The following STX12 variants were observed in gnomAD, a reference collection of about 807,000 sequenced individuals.
The protein encoded by STX12 is syntaxin-12.
In STX12, 17 loss-of-function variants were observed where a neutral mutation model predicts 42.2. The ratio of observed to expected loss-of-function variants is 0.40; its 90% CI spans 0.28 to 0.60. The LOEUF (loss-of-function observed/expected upper bound fraction) is 0.60, where lower values mean the gene tolerates loss of function less well. STX12 is among the 20% of genes least tolerant of loss of function. The probability of loss-of-function intolerance (pLI) is 0.39; values close to 1 mark genes in which losing one functional copy is unlikely to be tolerated. For synonymous variants in STX12, 108 were observed against 116.7 expected (o/e 0.93, Z 0.48); for missense variants, 297 against 330.9 (o/e 0.90, Z 0.79).
In STX12 at chr1:27,808,993, G is replaced by A. The variant is rs192409295; in HGVS notation, c.427-1253G>A. On this transcript the variant is annotated intron_variant, in intron 4 of 8. Transcript: ENST00000373943. Reference sequence around the variant, plus strand: ...TATACAGAATAATAGTTCCCAATAAGTTCTGTTAAATCAAAATCTGCCACG... The same window carrying A: ...TATACAGAATAATAGTTCCCAATAAATTCTGTTAAATCAAAATCTGCCACG... Among the ~76,000 whole-genome samples, 548 of 152,248 alleles carry A rather than the reference G, an allele frequency of 3.6e-3. 14 individuals carry two copies. Among genetic ancestry groups the A allele is most frequent in the Non-Finnish European group, 1.0e-3 (71 of 68,010 alleles).
intron 2 of STX12, among the ~76,000 whole-genome samples, chr1:27,790,169 A>T (rs1201978057): frequency 6.6e-6 from 1 of 152,236 alleles, no homozygotes; most frequent in African/African-American, 2.4e-5. Flanking sequence ...TTTACATTGT[A>T]TTGTGTCTGG....
chr1:27,822,093 A>G lies in STX12; in HGVS notation c.733-138A>G, dbSNP rs1486792699. On this transcript the variant is annotated intron_variant, in intron 8 of 8. Coordinates refer to ENST00000373943, the MANE Select transcript of STX12 (RefSeq NM_177424.3). ...GTGCTGCTGACTTAAGATTTCTGGG[A>G]AAGTCTGTGCATAATTTTGCATGGA... is the stretch of plus-strand genomic sequence containing the variant. The G allele has an allele frequency of 9.8e-6, 6 of 613,472 alleles. No individual in the cohort carries two copies. In the East Asian group the frequency reaches 1.6e-4, roughly 17 times the overall value. The allele number at this position is 613,472 out of a possible 1,614,324, so 38.0% of individuals were successfully genotyped here.
chr1:27,782,800 C>G (rs1264862183), intron 1 of STX12, among the ~76,000 whole-genome samples: 2 of 152,120 alleles, frequency 1.3e-5, no homozygotes, highest in Admixed American at 1.3e-4. Context: ...CGTGCCATTG[C>G]ACTCCAACCT....
chr1:27,817,771 C>A, intron 6 of STX12, 80 bp from the exon 7 acceptor site: 1 of 1,290,940 alleles, frequency 7.7e-7, no homozygotes, highest in Non-Finnish European at 1.1e-6. Context: ...GTGTTAATAG[C>A]TAAAACTTTA....
intron 5 of STX12, 148 bp from the exon 6 acceptor site, chr1:27,812,015 A>G (rs1419439162): frequency 7.0e-6 from 5 of 715,062 alleles, no homozygotes. Flanking sequence ...GATATGAAGA[A>G]TGTGGCCCTC....
intron 6 of STX12, among the ~76,000 whole-genome samples, chr1:27,817,012 A>G (rs753324657): frequency 7.0e-6 from 1 of 143,526 alleles, no homozygotes; most frequent in Non-Finnish European, 1.5e-5. Context: ...AGGAAAGGAA[A>G]GGGAAGGGAG....
intron 3 of STX12, among the ~76,000 whole-genome samples, chr1:27,800,320 T>G (rs2148603123): frequency 6.6e-6 from 1 of 152,204 alleles, no homozygotes; most frequent in South Asian, 2.1e-4. Context: ...TCTTACTGAT[T>G]ATTCCTGCCC....
chr1:27,789,202 T>C (rs910921611), intron 1 of STX12, among the ~76,000 whole-genome samples: 1 of 152,220 alleles, frequency 6.6e-6, no homozygotes, highest in Non-Finnish European at 1.5e-5. Flanking sequence ...AAAATTATTG[T>C]ATTTGACTTG....
intron 1 of STX12, among the ~76,000 whole-genome samples, chr1:27,777,004 C>T (rs1173539380): frequency 6.6e-6 from 1 of 152,136 alleles, no homozygotes; most frequent in Non-Finnish European, 1.5e-5. Flanking sequence ...ACAAATATTC[C>T]TGGAGCACCT....
intron 1 of STX12, 73 bp from the exon 2 acceptor site, chr1:27,789,489 A>G (rs2294229): frequency 0.065 from 73,102 of 1,125,888 alleles, 11,275 homozygotes; most frequent in African/African-American, 0.53. Flanking sequence ...AGAGACCAGG[A>G]ATCTTAGAAG....
Position 27,822,419 on chromosome 1 carries a change from A to T in STX12, c.*90A>T, listed in dbSNP as rs184995606. ...AACAAACTGATCACAAGAAGACAGC[A>T]TATATCAGAACGTCCTGTAATCATT... On this transcript the variant is annotated 3_prime_UTR_variant, in exon 9 of 9. Transcript: ENST00000373943. 3.4e-4 allele frequency: 281 copies of T among 826,364 alleles called. No homozygotes were observed. The highest frequency in any genetic ancestry group is 5.0e-4 in the Non-Finnish European group (237 of 471,726). The allele number at this position is 826,364 out of a possible 1,614,324, so 51.2% of individuals were successfully genotyped here. A position where few individuals can be genotyped will look rare whatever the true frequency, so the allele number is the denominator to read the frequency against.
intron 4 of STX12, among the ~76,000 whole-genome samples, chr1:27,804,353 G>C (rs924790154): frequency 3.9e-5 from 6 of 152,054 alleles, no homozygotes; most frequent in African/African-American, 1.4e-4. Flanking sequence ...TTGAACCTGG[G>C]AGGTGGAGGT....
At chr1:27,792,172 A>C (rs2088748841) in intron 2 of STX12, among the ~76,000 whole-genome samples, 1 of 127,404 alleles carries the variant, frequency 7.8e-6, no homozygotes, top group Non-Finnish European at 1.5e-5. Context: ...ATATGTATAT[A>C]CATATATATG....
chr1:27,812,448 T>G (rs2088909607), intron 6 of STX12, among the ~76,000 whole-genome samples, 180 bp downstream of exon 6: 1 of 152,008 alleles, frequency 6.6e-6, no homozygotes, highest in Non-Finnish European at 1.5e-5. Context: ...TTTTTGTTTT[T>G]TTTTTTATCT....
intron 6 of STX12, among the ~76,000 whole-genome samples, chr1:27,816,279 A>T (rs2088940415): frequency 6.6e-6 from 1 of 151,676 alleles, no homozygotes; most frequent in Non-Finnish European, 1.5e-5. Flanking sequence ...GCACCATTGC[A>T]CTCCAGCCTA....
intron 4 of STX12, chr1:27,809,908 C>T (rs747614575): frequency 9.3e-5 from 18 of 193,716 alleles, no homozygotes; most frequent in Non-Finnish European, 1.6e-4. Flanking sequence ...TTTACATGTT[C>T]TGAAATTTTG....
At chr1:27,801,329 G>T (rs918931851) in intron 3 of STX12, among the ~76,000 whole-genome samples, 1 of 151,938 alleles carries the variant, frequency 6.6e-6, no homozygotes, top group African/African-American at 2.4e-5. Context: ...CTTGAACACG[G>T]GCGGCAGAGG....
Position 27,822,616 on chromosome 1 carries a change from CT to C in STX12, c.*288del, listed in dbSNP as rs1445313026. 3 of 282,278 alleles carry C rather than the reference CT, an allele frequency of 1.1e-5. No homozygotes were observed. Among genetic ancestry groups the C allele is most frequent in the Non-Finnish European group, 2.0e-5 (3 of 147,440 alleles). The allele number at this position is 282,278 out of a possible 1,614,324, so 17.5% of individuals were successfully genotyped here. On this transcript the variant is annotated 3_prime_UTR_variant, in exon 9 of 9. Coordinates refer to ENST00000373943, the MANE Select transcript of STX12 (RefSeq NM_177424.3). Reference sequence around the variant, plus strand: ...CCAAGTGTTTACTGAAAATTCCATTCTAGATATTCTTGTTTTGACAAATGAC... The same window carrying C: ...CCAAGTGTTTACTGAAAATTCCATTCAGATATTCTTGTTTTGACAAATGAC...
chr1:27,791,629 C>T (rs1168742118), intron 2 of STX12, among the ~76,000 whole-genome samples: 1 of 152,152 alleles, frequency 6.6e-6, no homozygotes, highest in Non-Finnish European at 1.5e-5. Flanking sequence ...TCCTGGCTAA[C>T]ACGGTGAAAC....
Sources: allele counts gnomAD v4.1 joint callset (sites outside exome capture counted in the v4.1 genomes callset), GRCh38; gene constraint gnomAD v4.1.1; transcripts MANE v1.5; gene names NCBI Gene and HGNC (gene_info 2026-07-23, HGNC 2026-07-21).